The following VTI1A variants were observed in gnomAD, a reference collection of about 807,000 sequenced individuals.
VTI1A encodes the protein vesicle transport through interaction with t-SNAREs 1A, also known as vesicle transport through interaction with t-SNAREs homolog 1A.
VTI1A carries 22 observed loss-of-function variants against 34.9 expected under a neutral mutation model. That is an observed-to-expected ratio of 0.63 (90% confidence interval 0.45 to 0.90). The LOEUF (loss-of-function observed/expected upper bound fraction) is 0.90, where lower values mean the gene tolerates loss of function less well. Ranked by LOEUF, VTI1A falls within the 40% of genes least tolerant of loss-of-function variation. The probability of loss-of-function intolerance (pLI) is 0.00; values close to 1 mark genes in which losing one functional copy is unlikely to be tolerated. For missense variants in VTI1A, 268 were observed against 275.6 expected, an observed-to-expected ratio of 0.97 and a Z score of 0.20; for synonymous variants, 87 against 97.3, an observed-to-expected ratio of 0.89 and a Z score of 0.62.
chr10:112,791,193 T>C (rs1427989611), intron 7 of VTI1A, among the ~76,000 whole-genome samples: 1 of 152,210 alleles, frequency 6.6e-6, no homozygotes, highest in Non-Finnish European at 1.5e-5. Context: ...GCCCTAGTCA[T>C]CAGGTTGTTT....
chr10:112,514,812 G>A (rs185246311), intron 3 of VTI1A, among the ~76,000 whole-genome samples: 1 of 151,950 alleles, frequency 6.6e-6, no homozygotes, highest in East Asian at 1.9e-4. Flanking sequence ...ATTTCACCTT[G>A]CCTTTGTCCT....
At chr10:112,661,753 T>TC (rs1318773725) in intron 5 of VTI1A, among the ~76,000 whole-genome samples, 1 of 150,706 alleles carries the variant, frequency 6.6e-6, no homozygotes, top group African/African-American at 2.4e-5. Flanking sequence ...ATCTTTTTTT[T>TC]CTGCTGTTAA....
intron 7 of VTI1A, among the ~76,000 whole-genome samples, chr10:112,696,243 G>T (rs958936015): frequency 6.6e-6 from 1 of 152,018 alleles, no homozygotes; most frequent in Admixed American, 6.5e-5. Flanking sequence ...TTAAGACTAG[G>T]AGCCTTCAGT....
chr10:112,610,387 C>G (rs1342069916), intron 5 of VTI1A, among the ~76,000 whole-genome samples: 1 of 151,936 alleles, frequency 6.6e-6, no homozygotes, highest in Non-Finnish European at 1.5e-5. Flanking sequence ...TTTCCCAAAC[C>G]AAAACACCAA....
At chr10:112,850,122 A>G in the VTI1A span, among the ~76,000 whole-genome samples, 1 of 152,186 alleles carries the variant, frequency 6.6e-6, no homozygotes, top group Non-Finnish European at 1.5e-5. Flanking sequence ...TGAATATAAT[A>G]CCTTGCACAT....
chr10:112,828,118 C>T, the VTI1A span, among the ~76,000 whole-genome samples: 4 of 152,098 alleles, frequency 2.6e-5, no homozygotes, highest in African/African-American at 9.7e-5. Flanking sequence ...GTGGAAAACA[C>T]CCCCAGGCAT....
chr10:112,829,002 T>C, the VTI1A span, among the ~76,000 whole-genome samples: 2 of 152,150 alleles, frequency 1.3e-5, no homozygotes, highest in African/African-American at 4.8e-5. Flanking sequence ...CTCTGGCAAT[T>C]AACTGCTGTA....
chr10:112,540,074 G>A (rs1452812766), intron 5 of VTI1A, among the ~76,000 whole-genome samples: 2 of 152,106 alleles, frequency 1.3e-5, no homozygotes, highest in South Asian at 2.1e-4. Flanking sequence ...GGGTCTTCTC[G>A]TCGTGACACT....
intron 5 of VTI1A, among the ~76,000 whole-genome samples, chr10:112,582,255 A>C (rs1208643015): frequency 6.6e-6 from 1 of 152,148 alleles, no homozygotes; most frequent in African/African-American, 2.4e-5. Flanking sequence ...CTAATCCATC[A>C]TGCAGACCTC....
intron 3 of VTI1A, among the ~76,000 whole-genome samples, chr10:112,518,573 C>CTATATA (rs1849875399): frequency 8.3e-6 from 1 of 120,386 alleles, no homozygotes; most frequent in African/African-American, 3.1e-5. Flanking sequence ...CTCTCTCTCT[C>CTATATA]TCTCTCTCTC....
At chr10:112,715,175 G>A (rs7090942) in intron 7 of VTI1A, among the ~76,000 whole-genome samples, 27,587 of 152,054 alleles carry the variant, frequency 0.18, 5,198 homozygotes, top group African/African-American at 0.46. Context: ...ATTGCACCAT[G>A]TTATTCAGTT....
chr10:112,735,321 C>T (rs1253916749), intron 7 of VTI1A, among the ~76,000 whole-genome samples: 1 of 152,220 alleles, frequency 6.6e-6, no homozygotes, highest in Admixed American at 6.5e-5. Context: ...AGATGTAGGG[C>T]TACTCAAACA....
the VTI1A span, among the ~76,000 whole-genome samples, chr10:112,843,597 C>G: frequency 6.6e-6 from 1 of 152,182 alleles, no homozygotes. Flanking sequence ...TACGTTGTAA[C>G]CATCTATGTG....
chr10:112,822,263 GTTC>G (rs2134104222), downstream of VTI1A, among the ~76,000 whole-genome samples: 1 of 152,270 alleles, frequency 6.6e-6, no homozygotes, highest in East Asian at 1.9e-4. Context: ...CCAGGACCCC[GTTC>G]TTCTAAGGAT....
At chr10:112,502,563 T>C (rs1849281357) in intron 3 of VTI1A, among the ~76,000 whole-genome samples, 1 of 152,228 alleles carries the variant, frequency 6.6e-6, no homozygotes, top group South Asian at 2.1e-4. Flanking sequence ...ATTTCTTACA[T>C]GAACATGACT....
intron 3 of VTI1A, among the ~76,000 whole-genome samples, chr10:112,477,879 T>C (rs1208139493): frequency 6.6e-6 from 1 of 152,228 alleles, no homozygotes; most frequent in African/African-American, 2.4e-5. Context: ...ACAAACCTAG[T>C]CTACAAAAAA....
chr10:112,656,930 G>A (rs963295821), intron 5 of VTI1A, among the ~76,000 whole-genome samples: 10 of 152,066 alleles, frequency 6.6e-5, no homozygotes, highest in Non-Finnish European at 1.3e-4. Context: ...TCATGATAGC[G>A]AGGGAGTTAG....
intron 5 of VTI1A, among the ~76,000 whole-genome samples, chr10:112,569,200 A>G (rs112602465): frequency 5.9e-5 from 9 of 152,126 alleles, no homozygotes; most frequent in Non-Finnish European, 1.3e-4. Context: ...AAGTAGGTTA[A>G]TTGTGTGCCT....
At chr10:112,821,701 A>G (rs1853658753), downstream of VTI1A, among the ~76,000 whole-genome samples, 1 of 152,210 alleles carries the variant, frequency 6.6e-6, no homozygotes, top group Admixed American at 6.5e-5. Flanking sequence ...AGAGGAGCCA[A>G]GAACATGGCT....
Sources: allele counts gnomAD v4.1 joint callset (sites outside exome capture counted in the v4.1 genomes callset), GRCh38; gene constraint gnomAD v4.1.1; transcripts MANE v1.5; gene names NCBI Gene and HGNC (gene_info 2026-07-23, HGNC 2026-07-21).